CDC42BPA: variants seen among roughly 807,000 people sequenced by gnomAD.
CDC42BPA encodes CDC42 binding protein kinase alpha, also known as serine/threonine-protein kinase MRCK alpha.
Under a neutral mutation model 223.5 loss-of-function variants are expected in CDC42BPA, and 80 were observed. That is an observed-to-expected ratio of 0.36 (90% CI 0.30 to 0.43). The LOEUF (loss-of-function observed/expected upper bound fraction) is 0.43, where lower values mean the gene tolerates loss of function less well. Among genes scored for constraint, CDC42BPA ranks in the 20% least tolerant of loss-of-function variants. The pLI is 1.00. For synonymous variants in CDC42BPA, 694 were observed against 718.6 expected, an observed-to-expected ratio of 0.97 and a Z score of 0.55; for missense variants, 1,743 against 2,099.9, an observed-to-expected ratio of 0.83 and a Z score of 3.32.
chr1:227,210,747 C>T (rs185165918), intron 3 of CDC42BPA, among the ~76,000 whole-genome samples: 50 of 152,244 alleles, frequency 3.3e-4, no homozygotes, highest in Admixed American at 1.9e-3. Context: ...CTAAACAGAA[C>T]ATAATTATTT....
intron 3 of CDC42BPA, among the ~76,000 whole-genome samples, chr1:227,207,373 T>G (rs138769088): frequency 0.028 from 4,258 of 150,136 alleles, 161 homozygotes; most frequent in African/African-American, 0.096. Context: ...TTTTCTTTTT[T>G]TTTTATTATA....
At chr1:227,303,906 A>G (rs889041525) in intron 1 of CDC42BPA, among the ~76,000 whole-genome samples, 2 of 152,222 alleles carry the variant, frequency 1.3e-5, no homozygotes, top group Non-Finnish European at 2.9e-5. Flanking sequence ...ACCAGACTCT[A>G]AAGTTTATGA....
At chr1:227,088,634 CAATT>C (rs1682446987) in intron 16 of CDC42BPA, among the ~76,000 whole-genome samples, 2 of 152,050 alleles carry the variant, frequency 1.3e-5, no homozygotes, top group South Asian at 2.1e-4. Flanking sequence ...TTACTGTAAA[CAATT>C]AATTTTACTC....
intron 10 of CDC42BPA, among the ~76,000 whole-genome samples, chr1:227,137,534 T>C (rs898928866): frequency 2.6e-5 from 4 of 152,096 alleles, no homozygotes; most frequent in Non-Finnish European, 5.9e-5. Flanking sequence ...AAATAGTACA[T>C]AGGACCACCA....
intron 17 of CDC42BPA, among the ~76,000 whole-genome samples, chr1:227,076,539 G>A (rs1679521117): frequency 6.6e-6 from 1 of 152,150 alleles, no homozygotes; most frequent in Non-Finnish European, 1.5e-5. Context: ...TTACAGGCGT[G>A]AGCCACCGCA....
chr1:227,249,468 CCCACAGTGAAGAGACAGAATCAAA>C (rs1204154725), intron 2 of CDC42BPA, among the ~76,000 whole-genome samples: 1 of 152,136 alleles, frequency 6.6e-6, no homozygotes, highest in African/African-American at 2.4e-5. Flanking sequence ...AAACAATCAA[CCCACAGTGAAGAGACAGAATCAAA>C]CCACAGTGAA....
chr1:227,238,936 G>C (rs1326523231), intron 2 of CDC42BPA, among the ~76,000 whole-genome samples: 3 of 152,138 alleles, frequency 2.0e-5, no homozygotes, highest in Non-Finnish European at 4.4e-5. Context: ...ACAAAAATTA[G>C]GAAATTATGG....
chr1:227,146,043 CTATT>C (rs1354880650), intron 7 of CDC42BPA, among the ~76,000 whole-genome samples: 3 of 151,970 alleles, frequency 2.0e-5, no homozygotes, highest in Non-Finnish European at 4.4e-5. Context: ...GAATTTGACT[CTATT>C]TAAATCAAGA....
Position 226,994,085 on chromosome 1 carries a change from G to A in CDC42BPA, c.*183C>T, listed in dbSNP as rs1203965689. 3.6e-6 allele frequency: 2 copies of A among 548,444 alleles called. No homozygotes were observed. Among genetic ancestry groups the A allele is most frequent in the Non-Finnish European group, 6.5e-6 (2 of 308,292 alleles). The allele number at this position is 548,444 out of a possible 1,614,324, so 34.0% of individuals were successfully genotyped here. A position where few individuals can be genotyped will look rare whatever the true frequency, so the allele number is the denominator to read the frequency against. ...CTACGGAAAGTCTGTCTTTGTTGTT[G>A]CTGTTAGGCTGGGGGCGTGGATCTG... On this transcript the variant is annotated 3_prime_UTR_variant, in exon 37 of 37. Coordinates refer to ENST00000366766, the MANE Select transcript of CDC42BPA (RefSeq NM_001394014.1). This position sits in a 1 kb window ranked among gnomAD's most constrained non-coding sequence, Gnocchi z 4.0.
At chr1:227,119,751 A>G in intron 12 of CDC42BPA, 53 bp downstream of exon 12, 1 of 1,209,180 alleles carries the variant, frequency 8.3e-7, no homozygotes, top group East Asian at 2.5e-5. Context: ...TATTCTTATT[A>G]TACAAGATTC....
intron 20 of CDC42BPA, among the ~76,000 whole-genome samples, chr1:227,071,066 G>T (rs1244887698): frequency 6.6e-6 from 1 of 151,804 alleles, no homozygotes; most frequent in Non-Finnish European, 1.5e-5. Context: ...GATGGCTTGT[G>T]CTCCTAATCT....
At chr1:227,242,814 A>G (rs1680244018) in intron 2 of CDC42BPA, among the ~76,000 whole-genome samples, 1 of 152,182 alleles carries the variant, frequency 6.6e-6, no homozygotes, top group African/African-American at 2.4e-5. Context: ...CAACAATCCC[A>G]TTACTTGGGT....
intron 24 of CDC42BPA, among the ~76,000 whole-genome samples, chr1:227,036,933 C>A (rs560981390): frequency 1.4e-4 from 22 of 152,240 alleles, no homozygotes; most frequent in Admixed American, 5.2e-4. Context: ...AGGCTAGGAA[C>A]AGTCTCATGA....
intron 5 of CDC42BPA, chr1:227,183,506 G>A (rs1272561840): frequency 1.3e-5 from 2 of 152,110 alleles, no homozygotes; most frequent in African/African-American, 4.8e-5. Flanking sequence ...AGGCCCCTCC[G>A]GGTTATTGTA....
chr1:226,996,494 A>G (rs1661633807), intron 35 of CDC42BPA, among the ~76,000 whole-genome samples: 1 of 104,636 alleles, frequency 9.6e-6, no homozygotes, highest in Admixed American at 1.0e-4. Context: ...CAGAACTTCC[A>G]ATACTATGTT....
At chr1:227,082,678 G>T (rs1392872979) in intron 16 of CDC42BPA, among the ~76,000 whole-genome samples, 2 of 130,008 alleles carry the variant, frequency 1.5e-5, no homozygotes, top group African/African-American at 5.9e-5. Flanking sequence ...TTGCGTCACT[G>T]CACTGCAGCC....
chr1:227,189,691 CTT>C (rs1403373660), intron 5 of CDC42BPA, among the ~76,000 whole-genome samples: 4 of 152,054 alleles, frequency 2.6e-5, no homozygotes, highest in Non-Finnish European at 4.4e-5. Flanking sequence ...TTCCATTGCT[CTT>C]GTTAAACCTT....
intron 6 of CDC42BPA, among the ~76,000 whole-genome samples, chr1:227,155,840 T>C (rs1440244614): frequency 1.3e-5 from 2 of 152,144 alleles, no homozygotes; most frequent in Non-Finnish European, 2.9e-5. Context: ...GATAATTACA[T>C]TGGGAGGATA....
At chr1:227,242,406 C>A (rs1355477725) in intron 2 of CDC42BPA, among the ~76,000 whole-genome samples, 4 of 151,912 alleles carry the variant, frequency 2.6e-5, no homozygotes, top group Non-Finnish European at 5.9e-5. Context: ...TAAAGATCTT[C>A]TCTATTACAA....
Sources: gnomAD v4.1 joint callset for allele counts (sites outside exome capture counted in the v4.1 genomes callset) on GRCh38, gnomAD v4.1.1 for gene constraint, Gnocchi (gnomAD v3.1) non-coding constraint, MANE v1.5 for transcripts, NCBI Gene and HGNC (gene_info 2026-07-23, HGNC 2026-07-21) for gene names.